Variants in UBE2T observed in about 807,000 individuals in gnomAD.
The protein encoded by UBE2T is ubiquitin-conjugating enzyme E2 T.
UBE2T carries 15 observed loss-of-function variants against 23.3 expected under a neutral mutation model. That is an observed-to-expected ratio of 0.64 (90% CI 0.43 to 0.99). UBE2T has a LOEUF of 0.99. Among genes scored for constraint, UBE2T ranks in the 50% least tolerant of loss-of-function variants. UBE2T has a pLI of 0.00. For missense variants in UBE2T, 197 were observed against 234.9 expected, an observed-to-expected ratio of 0.84 and a Z score of 1.05; for synonymous variants, 67 against 78.4, an observed-to-expected ratio of 0.85 and a Z score of 0.77.
intron 5 of UBE2T, 39 bp from the exon 6 acceptor site, chr1:202,333,132 CAT>C (rs1654803024): frequency 1.9e-6 from 3 of 1,606,292 alleles, no homozygotes; most frequent in Non-Finnish European, 2.6e-6. Context: ...TGGAGAAAAA[CAT>C]GATTTGCAGT....
chr1:202,335,128 A>AT lies in UBE2T; in HGVS notation c.110-71dup. The AT allele has an allele frequency of 7.7e-7, 1 of 1,299,762 alleles. No homozygotes were observed. The highest frequency in any genetic ancestry group is 1.3e-5 in the South Asian group (1 of 77,466). The allele number at this position is 1,299,762 out of a possible 1,614,324, so 80.5% of individuals were successfully genotyped here. The stretch of plus-strand genomic sequence containing the variant: ...TTTGAATTACTACCATATGGAGCTA[A>AT]TGAGGTCTATGGTCCTAATAGAGAA... On this transcript the variant is annotated intron_variant, in intron 2 of 6. Coordinates refer to ENST00000646651, the MANE Select transcript of UBE2T (RefSeq NM_014176.4). This position sits in a 1 kb window ranked among gnomAD's most constrained non-coding sequence, Gnocchi z 4.0.
intron 1 of UBE2T, among the ~76,000 whole-genome samples, chr1:202,336,281 G>T (rs1277569265): frequency 7.5e-6 from 1 of 133,720 alleles, no homozygotes; most frequent in African/African-American, 2.8e-5. Flanking sequence ...GAGTGCAGTG[G>T]CACAATCTCA....
chr1:202,332,041 T>G, intron 6 of UBE2T, 81 bp from the exon 7 acceptor site: 1 of 1,527,334 alleles, frequency 6.5e-7, no homozygotes, highest in Non-Finnish European at 8.9e-7. Context: ...TAATATTATT[T>G]CCATGTACTT....
intron 1 of UBE2T, among the ~76,000 whole-genome samples, chr1:202,340,739 T>C (rs1654983709): frequency 6.6e-6 from 1 of 152,130 alleles, no homozygotes; most frequent in African/African-American, 2.4e-5. Context: ...AAGTATAAAG[T>C]ATACCTTTAT....
At chr1:202,334,635 G>C (rs547302589) in intron 3 of UBE2T, among the ~76,000 whole-genome samples, 1 of 152,324 alleles carries the variant, frequency 6.6e-6, no homozygotes, top group East Asian at 1.9e-4. Context: ...TAATGGCTAT[G>C]AAGTTTCAGT....
chr1:202,340,171 C>G (rs937466200), intron 1 of UBE2T, among the ~76,000 whole-genome samples: 2 of 151,846 alleles, frequency 1.3e-5, no homozygotes, highest in African/African-American at 4.8e-5. Flanking sequence ...GATCGCGCCA[C>G]TGTACTCCAG....
chr1:202,335,033 AG>A lies in UBE2T; in HGVS notation c.134del (p.Pro45LeufsTer9), dbSNP rs762274818. ...CTAGCTTAAAAACACCTTTCTCATA[AG>A]GTGTGTTGGCTCCACCTAATATTTC... ...RAQILGGANTPYEKGVFKLEV... is the reference protein window; with the variant it reads ...RAQILGGANTXYEKGVFKLEV... On this transcript the variant is annotated frameshift_variant, in exon 3 of 7. Transcript: ENST00000646651. LOFTEE classifies it high-confidence loss of function. The surrounding 1 kb of genome is among the most constrained non-coding windows in gnomAD (Gnocchi z 4.0). 6.2e-7 allele frequency: 1 copy of A among 1,612,434 alleles called. No individual in the cohort carries two copies. The highest frequency in any genetic ancestry group is 1.3e-5 in the African/African-American group (1 of 75,004).
At position 202,335,688 on chromosome 1, in the gene UBE2T, T is replaced by A; in HGVS notation, c.67A>T (p.Thr23Ser). The A allele has an allele frequency of 6.2e-7, 1 of 1,614,122 alleles. No homozygotes were observed. The highest frequency in any genetic ancestry group is 8.5e-7 in the Non-Finnish European group (1 of 1,180,026). ...MLATEPPPGITCWQDKDQMDD... is the reference protein window; with the variant it reads ...MLATEPPPGISCWQDKDQMDD... Reference sequence around the variant, plus strand: ...ATTTGGTCTTTATCTTGCCAACATGTGATGCCTGGGGGTGGCTCTGTGGCT... The same window carrying A: ...ATTTGGTCTTTATCTTGCCAACATGAGATGCCTGGGGGTGGCTCTGTGGCT... Residue 23 changes from threonine to serine, a missense_variant, in exon 2 of 7, where the codon ACA becomes TCA. Coordinates refer to ENST00000646651, the MANE Select transcript of UBE2T (RefSeq NM_014176.4). The surrounding 1 kb of genome is among the most constrained non-coding windows in gnomAD (Gnocchi z 4.0).
In UBE2T at chr1:202,335,552, GCTC is replaced by G; in HGVS notation, c.109+91_109+93del. On this transcript the variant is annotated intron_variant, in intron 2 of 6. Coordinates refer to ENST00000646651, the MANE Select transcript of UBE2T (RefSeq NM_014176.4). This position sits in a 1 kb window ranked among gnomAD's most constrained non-coding sequence, Gnocchi z 4.0. ...GGTAGGGCACTCTGACCTTATAACT[GCTC>G]CTTACTTTAGAAGAATACACAAAAT... 2 of 1,256,304 alleles carry G rather than the reference GCTC, an allele frequency of 1.6e-6. No homozygotes were observed. Among genetic ancestry groups the G allele is most frequent in the South Asian group, 2.6e-5 (2 of 76,436 alleles). 77.8% of individuals were successfully genotyped at this position (1,256,304 alleles called of 1,614,324 possible).
In UBE2T at chr1:202,331,811, C is replaced by A. The variant is rs939482721; in HGVS notation, c.*24G>T. The stretch of plus-strand genomic sequence containing the variant: ...ATCACCTTGGCAAAGAACACATTAA[C>A]TAAGATGAACCAGGACAAGTCCCCT... On this transcript the variant is annotated 3_prime_UTR_variant, in exon 7 of 7. Transcript: ENST00000646651. 8.7e-6 allele frequency: 14 copies of A among 1,613,516 alleles called. No homozygotes were observed. Among genetic ancestry groups the A allele is most frequent in the Non-Finnish European group, 1.1e-5 (13 of 1,179,792 alleles).
At chr1:202,332,411 T>C (rs1389508652) in intron 6 of UBE2T, among the ~76,000 whole-genome samples, 1 of 152,198 alleles carries the variant, frequency 6.6e-6, no homozygotes. Context: ...ACCACTCCAC[T>C]ATCCCTGCTA....
intron 1 of UBE2T, 142 bp downstream of exon 1, chr1:202,341,753 G>C (rs1237137116): frequency 6.6e-6 from 1 of 152,138 alleles, no homozygotes; most frequent in East Asian, 1.9e-4. Flanking sequence ...CCGCTCAACA[G>C]TGGCTTTTCT....
chr1:202,337,303 C>T (rs577023801), intron 1 of UBE2T, among the ~76,000 whole-genome samples: 1 of 152,270 alleles, frequency 6.6e-6, no homozygotes, highest in African/African-American at 2.4e-5. Flanking sequence ...CCATGTTGTA[C>T]ATGGTGTCTT....
chr1:202,339,599 C>CAAAA (rs56088102), intron 1 of UBE2T, among the ~76,000 whole-genome samples: 3 of 79,036 alleles, frequency 3.8e-5, no homozygotes, highest in East Asian at 3.5e-4. Flanking sequence ...GACTCTGTCT[C>CAAAA]AAAAAAAAAA....
chr1:202,337,621 T>C (rs1287815511), intron 1 of UBE2T, among the ~76,000 whole-genome samples: 2 of 152,218 alleles, frequency 1.3e-5, no homozygotes, highest in Admixed American at 1.3e-4. Context: ...TTTCTATATG[T>C]GTGGATTTGT....
intron 1 of UBE2T, among the ~76,000 whole-genome samples, chr1:202,340,428 G>A (rs995952755): frequency 2.0e-5 from 3 of 151,324 alleles, no homozygotes; most frequent in African/African-American, 7.3e-5. Flanking sequence ...GCAGGAGAAT[G>A]GCTTCAACCA....
intron 1 of UBE2T, among the ~76,000 whole-genome samples, chr1:202,339,118 T>C (rs1489017139): frequency 6.9e-6 from 1 of 145,824 alleles, no homozygotes; most frequent in Non-Finnish European, 1.5e-5. Context: ...TGTGGATTAG[T>C]CCAAGAGATA....
At position 202,335,644 on chromosome 1, in the gene UBE2T, A is replaced by G; in HGVS notation, c.109+2T>C. Reference sequence around the variant, plus strand: ...TCATCATATACATGATTTGATACCTACGAGCTCGCAGGTCATCCATTTGGT... The same window carrying G: ...TCATCATATACATGATTTGATACCTGCGAGCTCGCAGGTCATCCATTTGGT... On this transcript the variant is annotated splice_donor_variant, in intron 2 of 6. Coordinates refer to ENST00000646651, the MANE Select transcript of UBE2T (RefSeq NM_014176.4). LOFTEE classifies it high-confidence loss of function. The surrounding 1 kb of genome is among the most constrained non-coding windows in gnomAD (Gnocchi z 4.0). The G allele has an allele frequency of 6.2e-7, 1 of 1,612,740 alleles. No individual in the cohort carries two copies. The highest frequency in any genetic ancestry group is 1.3e-5 in the African/African-American group (1 of 75,000).
At chr1:202,340,708 A>G (rs1464881452) in intron 1 of UBE2T, among the ~76,000 whole-genome samples, 1 of 152,194 alleles carries the variant, frequency 6.6e-6, no homozygotes, top group Non-Finnish European at 1.5e-5. Context: ...CAGAGGGTTG[A>G]CTGTACAGTA....
Sources: gnomAD v4.1 joint callset for allele counts (sites outside exome capture counted in the v4.1 genomes callset) on GRCh38, gnomAD v4.1.1 for gene constraint, Gnocchi (gnomAD v3.1) non-coding constraint, MANE v1.5 for transcripts, NCBI Gene and HGNC (gene_info 2026-07-23, HGNC 2026-07-21) for gene names.